CCDC102B: variants seen among roughly 807,000 people sequenced by gnomAD.
The protein encoded by CCDC102B is coiled-coil domain-containing protein 102B.
A neutral mutation model predicts 57.4 loss-of-function variants in CCDC102B; 75 were observed. That is an observed-to-expected ratio of 1.31 (90% CI 1.08 to 1.58). The LOEUF (loss-of-function observed/expected upper bound fraction) is 1.58, where lower values mean the gene tolerates loss of function less well. Among genes scored for constraint, CCDC102B ranks in the 40% most tolerant of loss-of-function variants. The pLI is 0.00. For synonymous variants in CCDC102B, 206 were observed against 201.9 expected, an observed-to-expected ratio of 1.02 and a Z score of -0.17; for missense variants, 636 against 582.6, an observed-to-expected ratio of 1.09 and a Z score of -0.94.
chr18:68,808,311 CCAGGA>C (rs929335011), intron 1 of CCDC102B, among the ~76,000 whole-genome samples: 15 of 151,814 alleles, frequency 9.9e-5, no homozygotes, highest in Non-Finnish European at 2.2e-4. Context: ...ATTACAGTGG[CCAGGA>C]CAAAGAAGTC....
chr18:68,889,397 C>T (rs1209457839), intron 5 of CCDC102B, among the ~76,000 whole-genome samples: 2 of 152,056 alleles, frequency 1.3e-5, no homozygotes, highest in Non-Finnish European at 2.9e-5. Context: ...GCCTCCAGAC[C>T]TGTGAGAAAT....
chr18:68,873,564 C>T (rs1411841894), intron 4 of CCDC102B, among the ~76,000 whole-genome samples: 3 of 152,174 alleles, frequency 2.0e-5, no homozygotes, highest in East Asian at 3.9e-4. Flanking sequence ...CTCTTAACAA[C>T]ATGGTTCCCT....
intron 6 of CCDC102B, among the ~76,000 whole-genome samples, chr18:68,930,236 T>C (rs1433647908): frequency 1.3e-5 from 2 of 148,462 alleles, no homozygotes; most frequent in South Asian, 2.1e-4. Context: ...ATATATATTA[T>C]ACATAATATA....
chr18:68,867,947 A>T (rs1361485512), intron 4 of CCDC102B, among the ~76,000 whole-genome samples: 25 of 152,212 alleles, frequency 1.6e-4, no homozygotes, highest in Non-Finnish European at 2.4e-4. Context: ...AACAAAACAA[A>T]AAAAAAGGGC....
At chr18:68,739,124 A>C (rs1599390769) in intron 2 of CCDC102B, among the ~76,000 whole-genome samples, 3 of 151,792 alleles carry the variant, frequency 2.0e-5, no homozygotes, top group African/African-American at 7.3e-5. Flanking sequence ...CCTCCCAAAT[A>C]GGTGGGATTA....
chr18:68,865,606 A>T (rs1432174809), intron 4 of CCDC102B, among the ~76,000 whole-genome samples: 1 of 151,974 alleles, frequency 6.6e-6, no homozygotes, highest in Non-Finnish European at 1.5e-5. Context: ...CTCCTATATT[A>T]CCTTCCATCC....
chr18:68,735,144 C>G (rs1370476684), intron 2 of CCDC102B, among the ~76,000 whole-genome samples: 1 of 152,128 alleles, frequency 6.6e-6, no homozygotes, highest in Non-Finnish European at 1.5e-5. Flanking sequence ...CTCTGCCTCC[C>G]GGGTTCAAGT....
chr18:68,768,513 T>A (rs1048479395), intron 2 of CCDC102B, among the ~76,000 whole-genome samples: 1 of 152,220 alleles, frequency 6.6e-6, no homozygotes, highest in African/African-American at 2.4e-5. Flanking sequence ...GCATTACTGA[T>A]TACTTTCCTA....
upstream of CCDC102B, among the ~76,000 whole-genome samples, chr18:68,796,988 T>C (rs1290362046): frequency 6.6e-6 from 1 of 151,954 alleles, no homozygotes; most frequent in Non-Finnish European, 1.5e-5. Flanking sequence ...TGAAAATGAC[T>C]GAATTAAAAG....
At chr18:68,885,741 C>G (rs572627614) in intron 5 of CCDC102B, among the ~76,000 whole-genome samples, 7 of 151,912 alleles carry the variant, frequency 4.6e-5, no homozygotes, top group Non-Finnish European at 4.4e-5. Context: ...TTGCAGTTCA[C>G]AAAATGATGT....
chr18:68,944,664 G>T (rs536608080), intron 6 of CCDC102B, among the ~76,000 whole-genome samples: 2 of 151,708 alleles, frequency 1.3e-5, no homozygotes, highest in Non-Finnish European at 2.9e-5. Context: ...ATAGATTTTG[G>T]CAGGACACAA....
At chr18:68,832,478 A>T (rs927768294) in intron 1 of CCDC102B, among the ~76,000 whole-genome samples, 1 of 151,960 alleles carries the variant, frequency 6.6e-6, no homozygotes, top group African/African-American at 2.4e-5. Flanking sequence ...TGGATATTCA[A>T]CCCACTTTAT....
intron 2 of CCDC102B, among the ~76,000 whole-genome samples, chr18:68,764,351 C>T (rs2034356321): frequency 6.6e-6 from 1 of 152,140 alleles, no homozygotes; most frequent in Admixed American, 6.6e-5. Flanking sequence ...ATCTGTGCAA[C>T]AACCCTATGA....
chr18:68,916,150 A>C (rs200559546), intron 6 of CCDC102B, among the ~76,000 whole-genome samples: 1 of 151,100 alleles, frequency 6.6e-6, no homozygotes, highest in Non-Finnish European at 1.5e-5. Flanking sequence ...TAAGAGAATA[A>C]ATAGATAGAT....
At chr18:68,915,589 A>G (rs7505391) in intron 6 of CCDC102B, among the ~76,000 whole-genome samples, 139,901 of 151,966 alleles carry the variant, frequency 0.92, 64,456 homozygotes, top group East Asian at 0.99. Context: ...TTTATTAAAT[A>G]ATTATTTTAG....
At chr18:68,972,157 C>T (rs2050317731) in intron 6 of CCDC102B, among the ~76,000 whole-genome samples, 1 of 152,156 alleles carries the variant, frequency 6.6e-6, no homozygotes, top group East Asian at 1.9e-4. Context: ...TTCTTTCCTT[C>T]AGAGACAACA....
At chr18:68,944,396 T>C (rs901325338) in intron 6 of CCDC102B, among the ~76,000 whole-genome samples, 2 of 152,078 alleles carry the variant, frequency 1.3e-5, no homozygotes, top group Non-Finnish European at 2.9e-5. Flanking sequence ...CAGAAATATA[T>C]TTCTCACGTT....
intron 6 of CCDC102B, among the ~76,000 whole-genome samples, chr18:68,950,560 T>A (rs1023207589): frequency 6.6e-6 from 1 of 152,120 alleles, no homozygotes; most frequent in African/African-American, 2.4e-5. Context: ...TAATTTTACC[T>A]TTTCTAAAGT....
chr18:68,883,260 A>T (rs921106706), intron 5 of CCDC102B, among the ~76,000 whole-genome samples: 2 of 151,972 alleles, frequency 1.3e-5, no homozygotes, highest in Admixed American at 6.6e-5. Flanking sequence ...AAATACAAAA[A>T]AATTGCCAGG....
Sources: gnomAD v4.1 joint callset for allele counts (sites outside exome capture counted in the v4.1 genomes callset) on GRCh38, gnomAD v4.1.1 for gene constraint, MANE v1.5 for transcripts, NCBI Gene and HGNC (gene_info 2026-07-23, HGNC 2026-07-21) for gene names.